The following ITGA9 variants were observed in gnomAD, a reference collection of about 807,000 sequenced individuals.
The protein encoded by ITGA9 is integrin alpha-9.
A neutral mutation model predicts 127.8 loss-of-function variants in ITGA9; 56 were observed. That is an observed-to-expected ratio of 0.44 (90% CI 0.35 to 0.55). The LOEUF is 0.55. Among genes scored for constraint, ITGA9 ranks in the 20% least tolerant of loss-of-function variants. The pLI is 0.00. For missense variants in ITGA9, 1,196 were observed against 1,347.1 expected (o/e 0.89, Z 1.76); for synonymous variants, 508 against 514.5 (o/e 0.99, Z 0.17).
At chr3:37,577,228 A>G (rs1699662843) in intron 15 of ITGA9, among the ~76,000 whole-genome samples, 1 of 152,276 alleles carries the variant, frequency 6.6e-6, no homozygotes, top group Non-Finnish European at 1.5e-5. Flanking sequence ...CATATGGCCA[A>G]GCCCTTCAGC....
At chr3:37,471,271 A>G (rs1454989818) in intron 2 of ITGA9, 137 bp downstream of exon 2, 1 of 998,748 alleles carries the variant, frequency 1.0e-6, no homozygotes, top group Non-Finnish European at 1.6e-6. Context: ...TCCAACAAGC[A>G]TGTATTGAGT....
At chr3:37,732,885 G>A in intron 19 of ITGA9, 87 bp downstream of exon 19, 2 of 1,009,476 alleles carry the variant, frequency 2.0e-6, no homozygotes, top group East Asian at 2.5e-5. Context: ...CTGAGGTGAG[G>A]AGTCCTCCCA....
chr3:37,698,651 C>T (rs1020129675), intron 18 of ITGA9, among the ~76,000 whole-genome samples: 1 of 152,036 alleles, frequency 6.6e-6, no homozygotes, highest in Non-Finnish European at 1.5e-5. Flanking sequence ...CATTTTTATA[C>T]CAGTTTTCGT....
At chr3:37,535,532 A>T (rs1699199525) in intron 14 of ITGA9, among the ~76,000 whole-genome samples, 1 of 152,180 alleles carries the variant, frequency 6.6e-6, no homozygotes, top group Admixed American at 6.5e-5. Context: ...ATAGCCCCAG[A>T]AGTGTTGGGG....
chr3:37,787,512 A>T (rs2125555082), intron 26 of ITGA9, among the ~76,000 whole-genome samples: 1 of 152,272 alleles, frequency 6.6e-6, no homozygotes, highest in East Asian at 1.9e-4. Flanking sequence ...CCTAAGAAAA[A>T]ATTAACACAC....
chr3:37,586,234 G>A (rs369560048), intron 15 of ITGA9, among the ~76,000 whole-genome samples: 5 of 152,290 alleles, frequency 3.3e-5, no homozygotes, highest in South Asian at 4.1e-4. Flanking sequence ...CGTAGAAACC[G>A]TCATGTTATA....
chr3:37,485,769 A>G (rs1309668033), intron 4 of ITGA9, among the ~76,000 whole-genome samples: 1 of 152,156 alleles, frequency 6.6e-6, no homozygotes, highest in Non-Finnish European at 1.5e-5. Context: ...TGGATGGGAA[A>G]AGCTACCAGA....
intron 22 of ITGA9, chr3:37,748,747 TAAA>T (rs34063758): frequency 0.044 from 19,655 of 443,178 alleles, 4 homozygotes; most frequent in Middle Eastern, 0.053. Flanking sequence ...GACTCTGTCT[TAAA>T]AAAAAAAAAA....
chr3:37,513,391 G>A (rs1042172814), intron 8 of ITGA9, among the ~76,000 whole-genome samples: 1 of 152,082 alleles, frequency 6.6e-6, no homozygotes, highest in African/African-American at 2.4e-5. Flanking sequence ...GGTTTAGGGG[G>A]CAGCATAGCC....
At chr3:37,557,199 C>T (rs1699439476) in intron 15 of ITGA9, among the ~76,000 whole-genome samples, 2 of 152,160 alleles carry the variant, frequency 1.3e-5, no homozygotes. Context: ...GGTCTGCTTT[C>T]TTGGGGCAAA....
chr3:37,508,668 A>T, intron 8 of ITGA9, 41 bp downstream of exon 8: 1 of 1,517,156 alleles, frequency 6.6e-7, no homozygotes, highest in Non-Finnish European at 9.2e-7. Flanking sequence ...TATTTGAGAG[A>T]TGTGATCATG....
intron 4 of ITGA9, among the ~76,000 whole-genome samples, chr3:37,491,601 A>G (rs1001446444): frequency 1.7e-4 from 26 of 152,084 alleles, no homozygotes; most frequent in African/African-American, 6.3e-4. Flanking sequence ...TTGTCAATGG[A>G]GGGAGGGTGT....
chr3:37,476,862 C>G (rs1698500361), intron 3 of ITGA9, among the ~76,000 whole-genome samples: 1 of 152,170 alleles, frequency 6.6e-6, no homozygotes, highest in Admixed American at 6.5e-5. Flanking sequence ...TTCTCAGCAT[C>G]TGGAGGACAT....
chr3:37,678,065 C>T (rs938076009), intron 17 of ITGA9, among the ~76,000 whole-genome samples: 6 of 152,154 alleles, frequency 3.9e-5, no homozygotes, highest in African/African-American at 7.2e-5. Flanking sequence ...GGTTTATCCA[C>T]TTGTCTGTCC....
At chr3:37,500,063 A>G (rs563009153) in intron 5 of ITGA9, among the ~76,000 whole-genome samples, 1 of 152,232 alleles carries the variant, frequency 6.6e-6, no homozygotes, top group Non-Finnish European at 1.5e-5. Flanking sequence ...GAGGTTGCTC[A>G]TTAGGTTCTT....
intron 15 of ITGA9, among the ~76,000 whole-genome samples, chr3:37,555,372 G>A (rs1699420788): frequency 6.6e-6 from 1 of 152,260 alleles, no homozygotes; most frequent in Admixed American, 6.5e-5. Context: ...CAATATGGTG[G>A]CCAGTGACCA....
intron 26 of ITGA9, among the ~76,000 whole-genome samples, chr3:37,791,067 C>T (rs993575752): frequency 3.9e-5 from 6 of 152,056 alleles, no homozygotes; most frequent in African/African-American, 1.4e-4. Context: ...AAAAAGTTAT[C>T]AGGTGAGGCT....
intron 22 of ITGA9, among the ~76,000 whole-genome samples, chr3:37,746,914 T>G (rs994802700): frequency 2.0e-5 from 3 of 152,208 alleles, no homozygotes; most frequent in Non-Finnish European, 4.4e-5. Flanking sequence ...CTGTCATGTG[T>G]GAAGACCTGG....
chr3:37,609,728 C>T (rs1393364906), intron 15 of ITGA9, among the ~76,000 whole-genome samples: 1 of 152,208 alleles, frequency 6.6e-6, no homozygotes, highest in African/African-American at 2.4e-5. Context: ...ATGCCTAGGA[C>T]CTCAGCTGGG....
Sources: allele counts gnomAD v4.1 joint callset (sites outside exome capture counted in the v4.1 genomes callset), GRCh38; gene constraint gnomAD v4.1.1; transcripts MANE v1.5; gene names NCBI Gene and HGNC (gene_info 2026-07-23, HGNC 2026-07-21).